The following TRPM3 variants were observed in gnomAD, a reference collection of about 807,000 sequenced individuals.
TRPM3 encodes the protein transient receptor potential cation channel subfamily M member 3.
Under a neutral mutation model 181.2 loss-of-function variants are expected in TRPM3, and 77 were observed. That is an observed-to-expected ratio of 0.42 (90% CI 0.35 to 0.51). TRPM3 has a LOEUF of 0.51. Ranked by LOEUF, TRPM3 falls within the 20% of genes least tolerant of loss-of-function variation. The pLI is 0.01. For missense variants in TRPM3, 1,759 were observed against 2,196.7 expected (o/e 0.80, Z 3.98); for synonymous variants, 745 against 796.4 (o/e 0.94, Z 1.09).
intron 1 of TRPM3, among the ~76,000 whole-genome samples, chr9:71,161,503 A>G (rs952367489): frequency 6.6e-6 from 1 of 152,174 alleles, no homozygotes; most frequent in Non-Finnish European, 1.5e-5. Context: ...TTACTTCCTG[A>G]TATCTGTTGT....
rs764212549 is a variant in TRPM3 at position 70,598,521 on chromosome 9, C to T, written c.2946G>A (p.Arg982=). Residue 982 remains arginine, a synonymous_variant, in exon 21 of 26, where the codon AGG becomes AGA. Coordinates refer to ENST00000677713, the MANE Select transcript of TRPM3 (RefSeq NM_001366145.2). ...LQDQPFRSDG[R]VIYCVNIIYW... Reference sequence around the variant, plus strand: ...AAATGATGTTCACGCAGTAGATGACCCTCCCGTCACTCCTGAAGGGCTGGT... The same window carrying T: ...AAATGATGTTCACGCAGTAGATGACTCTCCCGTCACTCCTGAAGGGCTGGT... The T allele has an allele frequency of 6.2e-7, 1 of 1,614,180 alleles. No individual in the cohort carries two copies. Among genetic ancestry groups the T allele is most frequent in the South Asian group, 1.1e-5 (1 of 91,072 alleles).
Position 70,863,037 on chromosome 9 carries a change from AT to A in TRPM3, c.332del (p.Asn111MetfsTer60). On this transcript the variant is annotated frameshift_variant, in exon 3 of 26. Transcript: ENST00000677713. LOFTEE classifies it high-confidence loss of function. Reference sequence around the variant, plus strand: ...TGTCATTTCGGGAGAGGCGACTTTCATTTTTCTCATTCTGAAGCACGGAGAT... The same window carrying A: ...TGTCATTTCGGGAGAGGCGACTTTCATTTTCTCATTCTGAAGCACGGAGAT... The part of the protein sequence containing the change: ...PSISVLQNEK[N>X]ESRLSRNDIQ... The A allele has an allele frequency of 6.2e-7, 1 of 1,613,522 alleles. No individual in the cohort carries two copies. The highest frequency in any genetic ancestry group is 8.5e-7 in the Non-Finnish European group (1 of 1,179,706).
At chr9:71,078,062 C>A (rs1342220676) in intron 1 of TRPM3, among the ~76,000 whole-genome samples, 8 of 152,000 alleles carry the variant, frequency 5.3e-5, no homozygotes, top group Non-Finnish European at 1.0e-4. Context: ...AATCATCATA[C>A]ACATATATGT....
chr9:70,946,050 G>A (rs180706004), intron 1 of TRPM3, among the ~76,000 whole-genome samples: 3 of 152,180 alleles, frequency 2.0e-5, no homozygotes, highest in African/African-American at 7.2e-5. Context: ...GTATCCTGTG[G>A]ATAGTACAAA....
At chr9:71,440,112 G>GTTT (rs2094114738) in intron 1 of TRPM3, among the ~76,000 whole-genome samples, 1 of 151,968 alleles carries the variant, frequency 6.6e-6, no homozygotes, top group Admixed American at 6.6e-5. Context: ...GACACAATGA[G>GTTT]ACTCCATCTC....
intron 1 of TRPM3, among the ~76,000 whole-genome samples, chr9:71,268,847 A>G (rs960007260): frequency 6.6e-6 from 1 of 152,124 alleles, no homozygotes; most frequent in Non-Finnish European, 1.5e-5. Context: ...AAAATTAAAA[A>G]TTAAAAAAAA....
Position 71,356,644 on chromosome 9 carries a change from G to C in TRPM3, c.183+90009C>G, listed in dbSNP as rs150881770. ...AGGAGATAATCCATGAAAACCACTGGGGTTGGTATCTGGCCCATAGTAATT... is the reference window on the plus strand; with the variant it reads ...AGGAGATAATCCATGAAAACCACTGCGGTTGGTATCTGGCCCATAGTAATT... On this transcript the variant is annotated intron_variant, in intron 1 of 24. Transcript: ENST00000357533. 7.9e-5 allele frequency among the ~76,000 whole-genome samples: 12 copies of C among 152,210 alleles called. No individual in the cohort carries two copies. In the East Asian group the frequency reaches 2.3e-3, roughly 29 times the overall value.
Position 70,591,161 on chromosome 9 carries a change from C to T in TRPM3, c.3093G>A (p.Leu1031=), listed in dbSNP as rs768490758. 3.1e-6 allele frequency: 5 copies of T among 1,614,046 alleles called. No homozygotes were observed. In the African/African-American group the frequency reaches 4.0e-5, roughly 13 times the overall value. ...MYFVIIMLVV[L]MSFGVARQAI... Reference sequence around the variant, plus strand: ...CTTGCCTGGCGACCCCAAAGCTCATCAGAACCACCAGCATAATGATGACAA... The same window carrying T: ...CTTGCCTGGCGACCCCAAAGCTCATTAGAACCACCAGCATAATGATGACAA... The change falls in exon 22 of 26, where the codon CTG becomes CTA. Residue 1031 remains leucine (L), a synonymous_variant. Coordinates refer to ENST00000677713, the MANE Select transcript of TRPM3 (RefSeq NM_001366145.2).
intron 1 of TRPM3, among the ~76,000 whole-genome samples, chr9:71,168,894 A>C (rs538499814): frequency 7.2e-5 from 11 of 152,242 alleles, no homozygotes; most frequent in African/African-American, 2.6e-4. Context: ...ACAAAAGAAG[A>C]AGCTAGCTTC....
At chr9:70,856,599 C>T (rs992691393) in intron 3 of TRPM3, among the ~76,000 whole-genome samples, 1 of 152,096 alleles carries the variant, frequency 6.6e-6, no homozygotes, top group Admixed American at 6.6e-5. Context: ...CCTGTTATCT[C>T]CCCCGTAAAT....
intron 3 of TRPM3, among the ~76,000 whole-genome samples, chr9:70,861,070 C>T (rs1204979832): frequency 6.6e-6 from 1 of 151,918 alleles, no homozygotes; most frequent in East Asian, 1.9e-4. Context: ...ACTAACACTC[C>T]ATTTTTAAAA....
intron 1 of TRPM3, among the ~76,000 whole-genome samples, chr9:70,893,799 A>G (rs1338580313): frequency 2.6e-5 from 4 of 152,202 alleles, no homozygotes; most frequent in Non-Finnish European, 5.9e-5. Flanking sequence ...TACATCAGAA[A>G]AGATTTACAT....
intron 1 of TRPM3, among the ~76,000 whole-genome samples, chr9:71,428,214 C>T (rs561039450): frequency 2.8e-4 from 43 of 151,830 alleles, no homozygotes; most frequent in Non-Finnish European, 5.4e-4. Context: ...GCCTCAACCT[C>T]CCAAGTGGCT....
At chr9:70,939,973 A>C (rs1167266207) in intron 1 of TRPM3, among the ~76,000 whole-genome samples, 1 of 152,228 alleles carries the variant, frequency 6.6e-6, no homozygotes, top group Non-Finnish European at 1.5e-5. Context: ...AGCTAAAGTG[A>C]GGAATCCTGA....
At chr9:70,856,334 G>A (rs959875204) in intron 3 of TRPM3, among the ~76,000 whole-genome samples, 5 of 152,152 alleles carry the variant, frequency 3.3e-5, no homozygotes, top group South Asian at 2.1e-4. Flanking sequence ...AAAATCAATG[G>A]AACAATTACA....
chr9:71,134,463 A>G (rs540530007), intron 1 of TRPM3, among the ~76,000 whole-genome samples: 1 of 149,494 alleles, frequency 6.7e-6, no homozygotes, highest in Non-Finnish European at 1.5e-5. Context: ...GAGGCAGGAG[A>G]ATGGCTTGAA....
intron 9 of TRPM3, among the ~76,000 whole-genome samples, chr9:70,651,824 A>T (rs2059630582): frequency 1.3e-5 from 2 of 152,170 alleles, no homozygotes; most frequent in Admixed American, 1.3e-4. Context: ...AGGATGAGTT[A>T]GGTAGTCATG....
chr9:71,317,097 G>T (rs1417941868), intron 1 of TRPM3, among the ~76,000 whole-genome samples: 1 of 152,136 alleles, frequency 6.6e-6, no homozygotes, highest in African/African-American at 2.4e-5. Flanking sequence ...TGTCAAGGAT[G>T]TATTACAACC....
chr9:70,693,595 A>G (rs576202631), intron 8 of TRPM3, among the ~76,000 whole-genome samples: 57 of 152,306 alleles, frequency 3.7e-4, no homozygotes, highest in Middle Eastern at 3.4e-3. Context: ...CTTTTTTAAG[A>G]AACTATCACC....
Sources: allele counts gnomAD v4.1 joint callset (sites outside exome capture counted in the v4.1 genomes callset), GRCh38; gene constraint gnomAD v4.1.1; transcripts MANE v1.5; gene names NCBI Gene and HGNC (gene_info 2026-07-23, HGNC 2026-07-21).